Variants in LEPROT observed in about 807,000 individuals in gnomAD.
LEPROT encodes leptin receptor gene-related protein.
A neutral mutation model predicts 15.4 loss-of-function variants in LEPROT; 3 were observed. The ratio of observed to expected loss-of-function variants is 0.19; its 90% CI spans 0.09 to 0.50. The LOEUF is 0.50. Ranked by LOEUF, LEPROT falls within the 20% of genes least tolerant of loss-of-function variation. The pLI, the probability that LEPROT is intolerant of heterozygous loss-of-function variation, is 0.97. For missense variants in LEPROT, 137 were observed against 162.2 expected (o/e 0.84, Z 0.84); for synonymous variants, 59 against 57.5 (o/e 1.03, Z -0.12).
rs1646481801 is a variant in LEPROT, at chr1:65,431,357, A to G, written c.280-446A>G. Among the ~76,000 whole-genome samples the G allele has an allele frequency of 2.0e-5, 3 of 152,240 alleles. No individual in the cohort carries two copies. The South Asian group carries it at 6.2e-4, about 31-fold the overall frequency. Reference sequence around the variant, plus strand: ...ATCTACAAACCATCTACTAAGCTGGAAAGCAGTTTTCAGTTGTATGAAGAC... The same window carrying G: ...ATCTACAAACCATCTACTAAGCTGGGAAGCAGTTTTCAGTTGTATGAAGAC... On this transcript the variant is annotated intron_variant, in intron 3 of 3. Transcript: ENST00000371065.
chr1:65,432,712 G>C lies in LEPROT; in HGVS notation c.*793G>C. The C allele has an allele frequency of 1.2e-6, 1 of 856,984 alleles. No homozygotes were observed. Among genetic ancestry groups the C allele is most frequent in the African/African-American group, 1.8e-5 (1 of 54,656 alleles). The allele number at this position is 856,984 out of a possible 1,614,324, so 53.1% of individuals were successfully genotyped here. A position where few individuals can be genotyped will look rare whatever the true frequency, so the allele number is the denominator to read the frequency against. On this transcript the variant is annotated 3_prime_UTR_variant, in exon 4 of 4. Coordinates refer to ENST00000371065, the MANE Select transcript of LEPROT (RefSeq NM_017526.5). ...AAAGGGTACAAAGCCTCAGTTAGGA[G>C]GAATAAGTGTGATTTTTTTTTAAAG...
chr1:65,429,300 C>G (rs1312618615), intron 2 of LEPROT, among the ~76,000 whole-genome samples: 3 of 152,152 alleles, frequency 2.0e-5, no homozygotes, highest in Non-Finnish European at 4.4e-5. Flanking sequence ...CCCAGGATAA[C>G]AGCTATGAGC....
chr1:65,431,928 T>G lies in LEPROT; in HGVS notation c.*9T>G. On this transcript the variant is annotated 3_prime_UTR_variant, in exon 4 of 4. Coordinates refer to ENST00000371065, the MANE Select transcript of LEPROT (RefSeq NM_017526.5). Reference sequence around the variant, plus strand: ...GCTGGGAGCAGTGGTAGCACTTTATTCTGATTACAGTGCATTGAATTTCTT... The same window carrying G: ...GCTGGGAGCAGTGGTAGCACTTTATGCTGATTACAGTGCATTGAATTTCTT... 3.7e-6 allele frequency: 6 copies of G among 1,612,678 alleles called. No individual in the cohort carries two copies. Among genetic ancestry groups the G allele is most frequent in the Non-Finnish European group, 5.1e-6 (6 of 1,179,614 alleles).
At chr1:65,427,218 C>T (rs1646394904) in intron 2 of LEPROT, among the ~76,000 whole-genome samples, 1 of 152,088 alleles carries the variant, frequency 6.6e-6, no homozygotes, top group South Asian at 2.1e-4. Context: ...TATTATTATC[C>T]TCATTTCTCG....
Position 65,432,149 on chromosome 1 carries a change from T to C in LEPROT, c.*230T>C. 1.7e-6 allele frequency: 2 copies of C among 1,196,854 alleles called. No homozygotes were observed. Among genetic ancestry groups the C allele is most frequent in the Non-Finnish European group, 2.1e-6 (2 of 962,272 alleles). The allele number at this position is 1,196,854 out of a possible 1,614,324, so 74.1% of individuals were successfully genotyped here. On this transcript the variant is annotated 3_prime_UTR_variant, in exon 4 of 4. Transcript: ENST00000371065. ...TCAAATTATGTTACTTGTTTGGCTG[T>C]TCATGTAGTCACGGTGCTCTCAGAA...
chr1:65,426,371 G>A (rs1646369529), intron 2 of LEPROT, among the ~76,000 whole-genome samples: 1 of 152,124 alleles, frequency 6.6e-6, no homozygotes, highest in Non-Finnish European at 1.5e-5. Flanking sequence ...TGCCTGCCGT[G>A]TAGAGGAGGT....
chr1:65,433,167 C>T lies in LEPROT; in HGVS notation c.*1248C>T, dbSNP rs1557587231. 1.0e-6 allele frequency: 1 copy of T among 985,266 alleles called. No individual in the cohort carries two copies. Among genetic ancestry groups the T allele is most frequent in the Non-Finnish European group, 1.2e-6 (1 of 829,882 alleles). 61.0% of individuals were successfully genotyped at this position (985,266 alleles called of 1,614,324 possible). On this transcript the variant is annotated 3_prime_UTR_variant, in exon 4 of 4. Transcript: ENST00000371065. ...ACTTCTCCCCAGCTCCTTCCCTCTG[C>T]CCCCCACCCCTACTCCTCAACAGTT...
Position 65,432,597 on chromosome 1 carries a change from A to AT in LEPROT, c.*679dup. On this transcript the variant is annotated 3_prime_UTR_variant, in exon 4 of 4. Transcript: ENST00000371065. The stretch of plus-strand genomic sequence containing the variant: ...AAAAAAAAAAGTCTCACCTGCTTTC[A>AT]TGCTGAGGACAAGTTCAGATGTTCA... 7 of 983,426 alleles carry AT rather than the reference A, an allele frequency of 7.1e-6. No individual in the cohort carries two copies. The highest frequency in any genetic ancestry group is 8.5e-6 in the Non-Finnish European group (7 of 828,380). The allele number at this position is 983,426 out of a possible 1,614,324, so 60.9% of individuals were successfully genotyped here.
intron 2 of LEPROT, among the ~76,000 whole-genome samples, chr1:65,426,187 G>A (rs763786349): frequency 2.8e-4 from 42 of 152,088 alleles, no homozygotes; most frequent in Admixed American, 5.2e-4. Flanking sequence ...AGATCTCTAG[G>A]GAAAAAGCAC....
At chr1:65,431,753 G>A in intron 3 of LEPROT, 50 bp from the exon 4 acceptor site, 3 of 1,580,974 alleles carry the variant, frequency 1.9e-6, no homozygotes, top group Non-Finnish European at 2.6e-6. Flanking sequence ...ATTGCAAAGA[G>A]TACAATATGA....
chr1:65,433,315 G>A lies in LEPROT; in HGVS notation c.*1396G>A. ...TGTTGATGTACTTGTCTTCCGTCCT[G>A]TAGGTCTTTTCTATATAACTTTATG... On this transcript the variant is annotated 3_prime_UTR_variant, in exon 4 of 4. Coordinates refer to ENST00000371065, the MANE Select transcript of LEPROT (RefSeq NM_017526.5). The A allele has an allele frequency of 2.0e-6, 2 of 985,382 alleles. No individual in the cohort carries two copies. Among genetic ancestry groups the A allele is most frequent in the Non-Finnish European group, 2.4e-6 (2 of 829,916 alleles). The allele number at this position is 985,382 out of a possible 1,614,324, so 61.0% of individuals were successfully genotyped here. A position where few individuals can be genotyped will look rare whatever the true frequency, so the allele number is the denominator to read the frequency against.
At chr1:65,427,468 A>G (rs1291592101) in intron 2 of LEPROT, among the ~76,000 whole-genome samples, 1 of 152,176 alleles carries the variant, frequency 6.6e-6, no homozygotes, top group African/African-American at 2.4e-5. Context: ...CTGAGGTGGG[A>G]AGATTGGTTG....
At chr1:65,421,532 T>TC in intron 1 of LEPROT, 4 of 1,519,884 alleles carry the variant, frequency 2.6e-6, no homozygotes, top group Non-Finnish European at 3.5e-6. Flanking sequence ...TTTTATATCA[T>TC]CCTTGAAATT....
chr1:65,425,100 A>T (rs1646333885), intron 1 of LEPROT, among the ~76,000 whole-genome samples: 1 of 152,190 alleles, frequency 6.6e-6, no homozygotes, highest in Non-Finnish European at 1.5e-5. Flanking sequence ...CCATAAAATT[A>T]ACATTCTTAA....
At chr1:65,431,668 CT>C in intron 3 of LEPROT, 134 bp from the exon 4 acceptor site, 1 of 814,824 alleles carries the variant, frequency 1.2e-6, no homozygotes, top group Non-Finnish European at 1.9e-6. Flanking sequence ...TCATTGTCTC[CT>C]GTTACATTAT....
rs2100244441 is a variant in LEPROT at position 65,434,285 on chromosome 1, C to T, written c.*2366C>T. The stretch of plus-strand genomic sequence containing the variant: ...TAATACAAAAGTTTGATCATGGTGA[C>T]ACAAATGTTGGACATTTTTTTCCTT... On this transcript the variant is annotated 3_prime_UTR_variant, in exon 4 of 4. Transcript: ENST00000371065. The T allele has an allele frequency of 1.0e-6, 1 of 983,608 alleles. No individual in the cohort carries two copies. Among genetic ancestry groups the T allele is most frequent in the Middle Eastern group, 5.2e-4 (1 of 1,912 alleles). The allele number at this position is 983,608 out of a possible 1,614,324, so 60.9% of individuals were successfully genotyped here.
intron 2 of LEPROT, chr1:65,427,875 A>C (rs985300670): frequency 1.2e-5 from 3 of 251,154 alleles, no homozygotes; most frequent in Non-Finnish European, 2.5e-5. Flanking sequence ...TCCTGGCCTC[A>C]AGTCATCCTC....
intron 1 of LEPROT, among the ~76,000 whole-genome samples, chr1:65,423,324 G>A (rs1252203369): frequency 6.6e-6 from 1 of 151,964 alleles, no homozygotes; most frequent in Non-Finnish European, 1.5e-5. Flanking sequence ...TGGATTTTTG[G>A]TCAACTCCAA....
rs1044676956 is a variant in LEPROT at position 65,435,559 on chromosome 1, G to A, written c.*3640G>A. The A allele has an allele frequency of 7.6e-5, 35 of 459,210 alleles. No individual in the cohort carries two copies. Among genetic ancestry groups the A allele is most frequent in the African/African-American group, 3.4e-4 (16 of 47,176 alleles). The allele number at this position is 459,210 out of a possible 1,614,324, so 28.4% of individuals were successfully genotyped here. A position where few individuals can be genotyped will look rare whatever the true frequency, so the allele number is the denominator to read the frequency against. Reference sequence around the variant, plus strand: ...ATTTTTTTGTATTTTTAGTAAAGACGGGTTTCATCGTGTTAGCCAGGATGG... The same window carrying A: ...ATTTTTTTGTATTTTTAGTAAAGACAGGTTTCATCGTGTTAGCCAGGATGG... On this transcript the variant is annotated 3_prime_UTR_variant, in exon 4 of 4. Transcript: ENST00000371065.
Sources: gnomAD v4.1 joint callset for allele counts (sites outside exome capture counted in the v4.1 genomes callset) on GRCh38, gnomAD v4.1.1 for gene constraint, MANE v1.5 for transcripts, NCBI Gene and HGNC (gene_info 2026-07-23, HGNC 2026-07-21) for gene names.